TULP4: variants seen among roughly 807,000 people sequenced by gnomAD.
The protein encoded by TULP4 is tubby-related protein 4.
Under a neutral mutation model 129.0 loss-of-function variants are expected in TULP4, and 16 were observed. The ratio of observed to expected loss-of-function variants is 0.12; its 90% CI spans 0.08 to 0.19. The LOEUF is 0.19. Ranked by LOEUF, TULP4 falls within the 10% of genes least tolerant of loss-of-function variation. The pLI, the probability that TULP4 is intolerant of heterozygous loss-of-function variation, is 1.00. For synonymous variants in TULP4, 998 were observed against 854.0 expected (o/e 1.17, Z -2.94); for missense variants, 1,842 against 2,059.1 (o/e 0.89, Z 2.04).
chr6:158,354,933 C>T (rs1780610887), intron 1 of TULP4, among the ~76,000 whole-genome samples: 1 of 150,838 alleles, frequency 6.6e-6, no homozygotes, highest in Non-Finnish European at 1.5e-5. Context: ...CTCATTTGCT[C>T]ATTGTCAAGT....
intron 1 of TULP4, among the ~76,000 whole-genome samples, chr6:158,240,728 C>G (rs1211804576): frequency 1.6e-5 from 2 of 122,672 alleles, no homozygotes; most frequent in Non-Finnish European, 3.6e-5. Context: ...CCGGACGGGG[C>G]GGCTGGCCGG....
At chr6:158,296,964 A>G (rs1554277756) in intron 1 of TULP4, among the ~76,000 whole-genome samples, 1 of 152,232 alleles carries the variant, frequency 6.6e-6, no homozygotes, top group Non-Finnish European at 1.5e-5. Flanking sequence ...TTATCTTGAT[A>G]AACATCTTAA....
rs889238652 is a variant in TULP4, at chr6:158,476,603, T to C, written c.1027-3148T>C. The stretch of plus-strand genomic sequence containing the variant: ...TGTTCATCCAACCATGCTACCTGCC[T>C]AATTACCTGTGGGCTCTCTTCTGCT... On this transcript the variant is annotated intron_variant, in intron 6 of 13. Transcript: ENST00000367097. Among the ~76,000 whole-genome samples the C allele has an allele frequency of 3.3e-5, 5 of 152,228 alleles. No homozygotes were observed. In the South Asian group the frequency reaches 6.2e-4, roughly 19 times the overall value.
intron 1 of TULP4, among the ~76,000 whole-genome samples, chr6:158,371,307 C>T (rs1436002114): frequency 6.6e-6 from 1 of 152,182 alleles, no homozygotes; most frequent in Admixed American, 6.5e-5. Context: ...AGATGGGGCC[C>T]TAGTGACACT....
At chr6:158,457,934 AT>A (rs989177254) in intron 5 of TULP4, among the ~76,000 whole-genome samples, 3 of 151,462 alleles carry the variant, frequency 2.0e-5, no homozygotes, top group African/African-American at 4.9e-5. Flanking sequence ...GGAAAAAAAA[AT>A]GTACCTGTTA....
At chr6:158,425,602 T>G (rs1013067521) in intron 2 of TULP4, among the ~76,000 whole-genome samples, 1 of 151,810 alleles carries the variant, frequency 6.6e-6, no homozygotes, top group Non-Finnish European at 1.5e-5. Context: ...TTAGGTTTTT[T>G]TTTGTTTGTT....
chr6:158,368,518 AT>A (rs1405993926), intron 1 of TULP4, among the ~76,000 whole-genome samples: 2 of 152,318 alleles, frequency 1.3e-5, no homozygotes, highest in Admixed American at 1.3e-4. Context: ...TATAAAGCAT[AT>A]CAGGAATCTA....
At chr6:158,250,748 A>G (rs1012789836) in intron 1 of TULP4, among the ~76,000 whole-genome samples, 12 of 152,272 alleles carry the variant, frequency 7.9e-5, no homozygotes, top group African/African-American at 2.9e-4. Flanking sequence ...TAGTTGGTGA[A>G]GTTCTTTCTC....
At chr6:158,424,080 A>G (rs117233190) in intron 2 of TULP4, among the ~76,000 whole-genome samples, 4,527 of 152,206 alleles carry the variant, frequency 0.03, 86 homozygotes, top group Middle Eastern at 0.061. Context: ...GAAGGTGAAA[A>G]CTGATATTTA....
chr6:158,253,501 T>C (rs6901291), intron 1 of TULP4, among the ~76,000 whole-genome samples: 9,704 of 152,166 alleles, frequency 0.064, 466 homozygotes, highest in African/African-American at 0.13. Flanking sequence ...TCATGTCAGG[T>C]GGGCTACCTG....
At chr6:158,338,838 C>T (rs1780106337) in intron 1 of TULP4, among the ~76,000 whole-genome samples, 1 of 152,174 alleles carries the variant, frequency 6.6e-6, no homozygotes, top group Non-Finnish European at 1.5e-5. Flanking sequence ...TGAGATAGGT[C>T]TTGATTGACA....
intron 6 of TULP4, among the ~76,000 whole-genome samples, chr6:158,474,422 A>T (rs545610568): frequency 6.6e-6 from 1 of 152,286 alleles, no homozygotes; most frequent in Non-Finnish European, 1.5e-5. Flanking sequence ...TGTTCCTCCT[A>T]CATTTTCAGA....
rs1582877913 is a variant in TULP4 at position 158,493,459 on chromosome 6, T to G, written c.1632-114T>G. On this transcript the variant is annotated intron_variant, in intron 9 of 13. Coordinates refer to ENST00000367097, the MANE Select transcript of TULP4 (RefSeq NM_020245.5). The surrounding 1 kb of genome is among the most constrained non-coding windows in gnomAD (Gnocchi z 4.4). ...TTAAATTCGGGCACTGGCTGCAGGG[T>G]GAGAACCCAACACCCAGGCTGGCTG... 108 of 1,179,706 alleles carry G rather than the reference T, an allele frequency of 9.2e-5. No homozygotes were observed. The highest frequency in any genetic ancestry group is 8.4e-5 in the Non-Finnish European group (75 of 896,690). 73.1% of individuals were successfully genotyped at this position (1,179,706 alleles called of 1,614,324 possible).
rs545431463 is a variant in TULP4 at position 158,348,679 on chromosome 6, G to T, written c.252+34411G>T. Among the ~76,000 whole-genome samples the T allele has an allele frequency of 2.8e-4, 43 of 152,204 alleles. No individual in the cohort carries two copies. In the South Asian group the frequency reaches 8.8e-3, roughly 31 times the overall value. On this transcript the variant is annotated intron_variant, in intron 1 of 13. Transcript: ENST00000367097. ...ATTGTCATCATGGCCCGTTCTCGAT[G>T]GTCGCTGTCTCTTCGGAGCTGTTGG...
chr6:158,290,155 C>T (rs1172566676), intron 1 of TULP4, among the ~76,000 whole-genome samples: 3 of 151,890 alleles, frequency 2.0e-5, no homozygotes, highest in East Asian at 3.9e-4. Flanking sequence ...TGGCTGATCT[C>T]GATCTCCTGG....
chr6:158,352,503 T>G lies in TULP4; in HGVS notation c.252+38235T>G, dbSNP rs996761651. On this transcript the variant is annotated intron_variant, in intron 1 of 13. Coordinates refer to ENST00000367097, the MANE Select transcript of TULP4 (RefSeq NM_020245.5). ...ACTCCACCTCCCGGGTTCAAGTGAT[T>G]CTCCTGCGTCAGCCTCCCGAGTACC... Among the ~76,000 whole-genome samples the G allele has an allele frequency of 1.2e-4, 18 of 152,314 alleles. No homozygotes were observed. The South Asian group carries it at 2.5e-3, about 21-fold the overall frequency.
intron 1 of TULP4, among the ~76,000 whole-genome samples, chr6:158,381,446 G>C (rs1777323731): frequency 1.3e-5 from 2 of 152,272 alleles, no homozygotes; most frequent in South Asian, 4.2e-4. Context: ...TGGCAGTTCA[G>C]GACAGATTTT....
At chr6:158,378,889 T>G (rs1222289818) in intron 1 of TULP4, among the ~76,000 whole-genome samples, 1 of 152,192 alleles carries the variant, frequency 6.6e-6, no homozygotes, top group Non-Finnish European at 1.5e-5. Context: ...AATTGAAAAT[T>G]TGGACCTGGA....
At chr6:158,287,137 G>A (rs952297520) in intron 1 of TULP4, among the ~76,000 whole-genome samples, 15 of 152,206 alleles carry the variant, frequency 9.9e-5, no homozygotes, top group Admixed American at 3.9e-4. Flanking sequence ...TGTTTACAGT[G>A]AAGAGGAGAG....
Sources: gnomAD v4.1 joint callset for allele counts (sites outside exome capture counted in the v4.1 genomes callset) on GRCh38, gnomAD v4.1.1 for gene constraint, Gnocchi (gnomAD v3.1) non-coding constraint, MANE v1.5 for transcripts, NCBI Gene and HGNC (gene_info 2026-07-23, HGNC 2026-07-21) for gene names.